The following LRRC4C variants were observed in gnomAD, a reference collection of about 807,000 sequenced individuals.
LRRC4C encodes leucine rich repeat containing 4C, also known as leucine-rich repeat-containing protein 4C.
A neutral mutation model predicts 33.6 loss-of-function variants in LRRC4C; 5 were observed. The observed-to-expected ratio is 0.15, with a 90% CI of 0.08 to 0.31. The LOEUF (loss-of-function observed/expected upper bound fraction) is 0.31, where lower values mean the gene tolerates loss of function less well. LRRC4C is among the 10% of genes least tolerant of loss of function. LRRC4C has a pLI of 1.00. For missense variants in LRRC4C, 560 were observed against 796.7 expected (o/e 0.70, Z 3.58); for synonymous variants, 329 against 302.0 (o/e 1.09, Z -0.93).
chr11:40,584,060 T>G (rs572711651), intron 3 of LRRC4C, among the ~76,000 whole-genome samples: 3 of 151,130 alleles, frequency 2.0e-5, no homozygotes, highest in African/African-American at 7.3e-5. Flanking sequence ...AAGTCAATGA[T>G]CACTTATTAA....
chr11:40,904,745 A>C (rs963624173), intron 2 of LRRC4C, among the ~76,000 whole-genome samples: 1 of 151,086 alleles, frequency 6.6e-6, no homozygotes, highest in Admixed American at 6.6e-5. Context: ...GGTTTATGTT[A>C]TCTCTCTCTC....
At chr11:40,126,582 T>C (rs2134734056) in intron 6 of LRRC4C, among the ~76,000 whole-genome samples, 1 of 152,344 alleles carries the variant, frequency 6.6e-6, no homozygotes. Flanking sequence ...TAGGTACTAG[T>C]GTAAATCAAT....
At chr11:40,256,737 A>C (rs1867237075) in intron 4 of LRRC4C, among the ~76,000 whole-genome samples, 1 of 152,128 alleles carries the variant, frequency 6.6e-6, no homozygotes, top group South Asian at 2.1e-4. Context: ...ATACCTGCAG[A>C]TGTAGAATCT....
intron 3 of LRRC4C, among the ~76,000 whole-genome samples, chr11:40,416,173 C>A (rs2137688102): frequency 6.6e-6 from 1 of 152,208 alleles, no homozygotes; most frequent in East Asian, 1.9e-4. Flanking sequence ...TTTTGTTTTA[C>A]TTTTTTAAAC....
intron 1 of LRRC4C, among the ~76,000 whole-genome samples, chr11:41,204,828 A>G (rs901477533): frequency 6.6e-6 from 1 of 152,176 alleles, no homozygotes; most frequent in African/African-American, 2.4e-5. Flanking sequence ...TCAAAATGTC[A>G]GTGAAGAGAA....
intron 2 of LRRC4C, among the ~76,000 whole-genome samples, chr11:40,684,891 A>G (rs1944880879): frequency 6.6e-6 from 1 of 152,026 alleles, no homozygotes; most frequent in African/African-American, 2.4e-5. Context: ...TGTTGGACAA[A>G]GTTAGATAAT....
chr11:40,690,183 G>A (rs184061790), intron 2 of LRRC4C, among the ~76,000 whole-genome samples: 1,628 of 152,078 alleles, frequency 0.011, 18 homozygotes, highest in Non-Finnish European at 0.012. Context: ...GGACTATTAA[G>A]GGCTTACAGT....
At chr11:40,979,355 A>T (rs1852335338) in intron 1 of LRRC4C, among the ~76,000 whole-genome samples, 1 of 152,226 alleles carries the variant, frequency 6.6e-6, no homozygotes, top group Admixed American at 6.5e-5. Flanking sequence ...TTTTTTGAAT[A>T]GTCAATAAAT....
At chr11:40,281,174 G>T (rs1300263871) in intron 4 of LRRC4C, among the ~76,000 whole-genome samples, 1 of 152,106 alleles carries the variant, frequency 6.6e-6, no homozygotes, top group East Asian at 1.9e-4. Context: ...TACAGAGAAA[G>T]CCTTCACAGT....
At chr11:41,395,821 CAA>C (rs1953786651) in intron 1 of LRRC4C, among the ~76,000 whole-genome samples, 1 of 151,994 alleles carries the variant, frequency 6.6e-6, no homozygotes, top group Non-Finnish European at 1.5e-5. Context: ...CCCTCCAACA[CAA>C]AGACTCATTA....
At chr11:40,417,830 T>C (rs1249484861) in intron 3 of LRRC4C, among the ~76,000 whole-genome samples, 2 of 151,652 alleles carry the variant, frequency 1.3e-5, no homozygotes, top group Non-Finnish European at 2.9e-5. Context: ...TCTGAGGGAG[T>C]GAAGTATGGG....
At chr11:41,205,947 G>GA (rs535483350) in intron 1 of LRRC4C, among the ~76,000 whole-genome samples, 11 of 152,000 alleles carry the variant, frequency 7.2e-5, no homozygotes, top group African/African-American at 2.7e-4. Context: ...AGCTTTTTAA[G>GA]AAAAAAACTC....
At chr11:40,703,943 T>C (rs1946013717) in intron 2 of LRRC4C, among the ~76,000 whole-genome samples, 1 of 152,172 alleles carries the variant, frequency 6.6e-6, no homozygotes, top group African/African-American at 2.4e-5. Flanking sequence ...GCATAGAAAA[T>C]GTATTTGATA....
intron 2 of LRRC4C, among the ~76,000 whole-genome samples, chr11:40,756,690 A>G (rs1948965395): frequency 6.6e-6 from 1 of 152,102 alleles, no homozygotes. Flanking sequence ...CAAAATGCAA[A>G]CTGTTAACTT....
chr11:41,389,293 G>A (rs1953486965), intron 1 of LRRC4C, among the ~76,000 whole-genome samples: 4 of 151,758 alleles, frequency 2.6e-5, no homozygotes. Context: ...AGAAAACCAA[G>A]GTTCCAAGAG....
chr11:41,258,816 A>G (rs1565525333), intron 1 of LRRC4C, among the ~76,000 whole-genome samples: 1 of 151,998 alleles, frequency 6.6e-6, no homozygotes, highest in Admixed American at 6.6e-5. Context: ...TGAAATTAGG[A>G]TGCCCTGATA....
intron 1 of LRRC4C, among the ~76,000 whole-genome samples, chr11:41,110,704 A>G (rs558831377): frequency 6.6e-6 from 1 of 152,160 alleles, no homozygotes; most frequent in South Asian, 2.1e-4. Context: ...GAAGGTCAAT[A>G]TTTCATCTCT....
intron 2 of LRRC4C, among the ~76,000 whole-genome samples, chr11:40,661,444 A>G (rs751183637): frequency 6.6e-6 from 1 of 152,210 alleles, no homozygotes; most frequent in South Asian, 2.1e-4. Context: ...AAGGAAAATC[A>G]TATCTATTTT....
intron 5 of LRRC4C, among the ~76,000 whole-genome samples, chr11:40,155,683 T>C (rs916922813): frequency 6.6e-6 from 1 of 151,992 alleles, no homozygotes; most frequent in Non-Finnish European, 1.5e-5. Context: ...AACAGACCAA[T>C]AACAAGCAGT....
Sources: gnomAD v4.1 joint callset for allele counts (sites outside exome capture counted in the v4.1 genomes callset) on GRCh38, gnomAD v4.1.1 for gene constraint, MANE v1.5 for transcripts, NCBI Gene and HGNC (gene_info 2026-07-23, HGNC 2026-07-21) for gene names.